ST8SIA6: variants seen among roughly 807,000 people sequenced by gnomAD.
ST8SIA6 encodes the protein ST8 alpha-N-acetyl-neuraminide alpha-2,8-sialyltransferase 6.
A neutral mutation model predicts 33.6 loss-of-function variants in ST8SIA6; 39 were observed. That is an observed-to-expected ratio of 1.16 (90% CI 0.90 to 1.52). The LOEUF is 1.52. Ranked by LOEUF, ST8SIA6 falls within the 40% of genes most tolerant of loss-of-function variation. The pLI is 0.00. For synonymous variants in ST8SIA6, 172 were observed against 167.2 expected (o/e 1.03, Z -0.22); for missense variants, 441 against 443.8 (o/e 0.99, Z 0.06).
At chr10:17,422,196 G>T (rs985754157) in intron 2 of ST8SIA6, among the ~76,000 whole-genome samples, 2 of 152,060 alleles carry the variant, frequency 1.3e-5, no homozygotes, top group Admixed American at 6.6e-5. Flanking sequence ...GAATATTGAA[G>T]AGCAAAATAA....
At chr10:17,428,562 C>T (rs965516858) in intron 2 of ST8SIA6, among the ~76,000 whole-genome samples, 3 of 151,790 alleles carry the variant, frequency 2.0e-5, no homozygotes, top group South Asian at 2.1e-4. Context: ...GAGGAGAGGC[C>T]GTTGGAAGGG....
intron 4 of ST8SIA6, among the ~76,000 whole-genome samples, chr10:17,333,826 A>G (rs1398943227): frequency 6.8e-6 from 1 of 146,156 alleles, no homozygotes; most frequent in Non-Finnish European, 1.5e-5. Context: ...GGTTCAAGCA[A>G]TTCTCCTGCC....
intron 4 of ST8SIA6, among the ~76,000 whole-genome samples, chr10:17,345,071 G>A (rs1470937791): frequency 6.6e-5 from 10 of 152,110 alleles, no homozygotes; most frequent in Non-Finnish European, 7.3e-5. Context: ...ATTAGAACAC[G>A]GTGCCGTCAG....
Position 17,316,581 on chromosome 10 carries a change from C to G in ST8SIA6, c.*4297G>C, listed in dbSNP as rs548017221. 6.6e-6 allele frequency among the ~76,000 whole-genome samples: 1 copy of G among 152,208 alleles called. No homozygotes were observed. Among genetic ancestry groups the G allele is most frequent in the South Asian group, 2.1e-4 (1 of 4,830 alleles). On this transcript the variant is annotated 3_prime_UTR_variant, in exon 8 of 8. Coordinates refer to ENST00000377602, the MANE Select transcript of ST8SIA6 (RefSeq NM_001004470.3). ...TATGATGAATTTTACTAACTCAGTA[C>G]TCCTAGGTTGCTTTCCAAAATGATT...
At chr10:17,362,682 C>T (rs1481899597) in intron 3 of ST8SIA6, among the ~76,000 whole-genome samples, 2 of 152,032 alleles carry the variant, frequency 1.3e-5, no homozygotes, top group Non-Finnish European at 2.9e-5. Flanking sequence ...CTACGACATG[C>T]TGATTTGTTT....
intron 4 of ST8SIA6, among the ~76,000 whole-genome samples, chr10:17,336,623 T>C (rs1288899719): frequency 2.0e-5 from 3 of 146,710 alleles, no homozygotes; most frequent in African/African-American, 7.6e-5. Flanking sequence ...AGGTGGAGTC[T>C]CACTACCTCA....
intron 3 of ST8SIA6, among the ~76,000 whole-genome samples, chr10:17,380,939 G>A (rs1187525282): frequency 6.6e-6 from 1 of 151,822 alleles, no homozygotes; most frequent in Non-Finnish European, 1.5e-5. Context: ...GTGTTTGTGT[G>A]TATGTGTACG....
intron 4 of ST8SIA6, among the ~76,000 whole-genome samples, chr10:17,348,634 A>G (rs1431205967): frequency 6.6e-6 from 1 of 152,160 alleles, no homozygotes; most frequent in Non-Finnish European, 1.5e-5. Context: ...TGCTCCCAGA[A>G]AGCCAGCGCG....
At chr10:17,356,483 A>C (rs1043245415) in intron 4 of ST8SIA6, among the ~76,000 whole-genome samples, 2 of 151,766 alleles carry the variant, frequency 1.3e-5, no homozygotes, top group Non-Finnish European at 1.5e-5. Flanking sequence ...TCTCAGGTTC[A>C]AGTGATTCTC....
At chr10:17,350,283 A>G (rs568601560) in intron 4 of ST8SIA6, among the ~76,000 whole-genome samples, 7 of 152,332 alleles carry the variant, frequency 4.6e-5, no homozygotes, top group African/African-American at 1.4e-4. Flanking sequence ...GTCGTGGAGG[A>G]CAAAGCATCT....
chr10:17,322,795 G>C (rs1157267344), intron 7 of ST8SIA6, among the ~76,000 whole-genome samples: 1 of 152,096 alleles, frequency 6.6e-6, no homozygotes, highest in Non-Finnish European at 1.5e-5. Flanking sequence ...GAAAAAAGTG[G>C]CTTCATTATT....
Position 17,354,751 on chromosome 10 carries a change from C to T in ST8SIA6, c.377+4763G>A, listed in dbSNP as rs893087194. On this transcript the variant is annotated intron_variant, in intron 4 of 7. Transcript: ENST00000377602. ...GCAATTGAATCCCAGAGTCTCAGGGCCAGAAAGATCCTTAGAAATACATTA... is the reference window on the plus strand; with the variant it reads ...GCAATTGAATCCCAGAGTCTCAGGGTCAGAAAGATCCTTAGAAATACATTA... 2.6e-5 allele frequency among the ~76,000 whole-genome samples: 4 copies of T among 152,184 alleles called. No individual in the cohort carries two copies. The South Asian group carries it at 8.3e-4, about 32-fold the overall frequency.
At chr10:17,419,888 T>C (rs1851727703) in intron 2 of ST8SIA6, among the ~76,000 whole-genome samples, 1 of 152,246 alleles carries the variant, frequency 6.6e-6, no homozygotes, top group East Asian at 1.9e-4. Context: ...ACCTACCCTT[T>C]CTGAATCTGA....
rs1165578414 is a variant in ST8SIA6, at chr10:17,333,672, GATATATATATATATAT to G, written c.378-2136_378-2121del. Among the ~76,000 whole-genome samples the G allele has an allele frequency of 4.4e-3, 155 of 35,170 alleles. 1 individual carries two copies. The highest frequency in any genetic ancestry group is 9.4e-3 in the African/African-American group (60 of 6,402). 23.1% of individuals were successfully genotyped at this position (35,170 alleles called of 152,430 possible). A position where few individuals can be genotyped will look rare whatever the true frequency, so the allele number is the denominator to read the frequency against. ...TTCCCTACTTAATAAATGGTGCTGG[GATATATATATATATAT>G]ATATATATATATATATATATATATA... On this transcript the variant is annotated intron_variant, in intron 4 of 7. Transcript: ENST00000377602.
intron 6 of ST8SIA6, among the ~76,000 whole-genome samples, chr10:17,324,992 C>T (rs1321764657): frequency 7.1e-6 from 1 of 141,122 alleles, no homozygotes; most frequent in African/African-American, 2.6e-5. Context: ...AATATGTATA[C>T]ATATTATAAA....
At chr10:17,371,282 G>A (rs1849723400) in intron 3 of ST8SIA6, among the ~76,000 whole-genome samples, 1 of 152,154 alleles carries the variant, frequency 6.6e-6, no homozygotes, top group African/African-American at 2.4e-5. Context: ...GGCATTCCAG[G>A]AAAGCTCTGA....
chr10:17,321,805 GA>G (rs1847958293), intron 7 of ST8SIA6, among the ~76,000 whole-genome samples: 1 of 152,026 alleles, frequency 6.6e-6, no homozygotes, highest in South Asian at 2.1e-4. Context: ...GTTTCCTTTA[GA>G]AAACTGAAAA....
In ST8SIA6 at chr10:17,332,840, G is replaced by A. The variant is rs535962544; in HGVS notation, c.378-1288C>T. The stretch of plus-strand genomic sequence containing the variant: ...TGATGATGAGCTTTTTTTCATGTTT[G>A]TTGGCTGCATAAAATGTCTTCTTTT... On this transcript the variant is annotated intron_variant, in intron 4 of 7. Coordinates refer to ENST00000377602, the MANE Select transcript of ST8SIA6 (RefSeq NM_001004470.3). Among the ~76,000 whole-genome samples, 5 of 152,054 alleles carry A rather than the reference G, an allele frequency of 3.3e-5. No homozygotes were observed. The East Asian group carries it at 7.7e-4, about 24-fold the overall frequency.
At chr10:17,453,764 G>A (rs1564473100) in intron 1 of ST8SIA6, 107 bp from the exon 2 acceptor site, 2 of 865,260 alleles carry the variant, frequency 2.3e-6, no homozygotes, top group Non-Finnish European at 3.1e-6. Context: ...CGCACTCCCC[G>A]GCTCCCAGGC....
Sources: allele counts gnomAD v4.1 joint callset (sites outside exome capture counted in the v4.1 genomes callset), GRCh38; gene constraint gnomAD v4.1.1; transcripts MANE v1.5; gene names NCBI Gene and HGNC (gene_info 2026-07-23, HGNC 2026-07-21).